The following ZFHX3 variants were observed in gnomAD, a reference collection of about 807,000 sequenced individuals.
ZFHX3 encodes the protein zinc finger homeobox protein 3.
A neutral mutation model predicts 279.1 loss-of-function variants in ZFHX3; 42 were observed. That is an observed-to-expected ratio of 0.15 (90% CI 0.12 to 0.19). The LOEUF is 0.19. Among genes scored for constraint, ZFHX3 ranks in the 10% least tolerant of loss-of-function variants. The pLI, the probability that ZFHX3 is intolerant of heterozygous loss-of-function variation, is 1.00. For synonymous variants in ZFHX3, 2,293 were observed against 1,957.8 expected (o/e 1.17, Z -4.52); for missense variants, 4,981 against 4,754.0 (o/e 1.05, Z -1.40).
intron 2 of ZFHX3, among the ~76,000 whole-genome samples, chr16:73,668,761 C>G (rs2052871785): frequency 6.6e-6 from 1 of 151,340 alleles, no homozygotes; most frequent in Middle Eastern, 3.4e-3. Flanking sequence ...AGGATATGAA[C>G]AGACACTTCT....
At chr16:73,213,785 C>G (rs1193306558) in intron 5 of ZFHX3, among the ~76,000 whole-genome samples, 3 of 152,080 alleles carry the variant, frequency 2.0e-5, no homozygotes, top group Non-Finnish European at 1.5e-5. Flanking sequence ...CTTTATGGGC[C>G]CGGGTCCCAT....
chr16:73,493,699 A>C (rs1396162792), intron 2 of ZFHX3, among the ~76,000 whole-genome samples: 1 of 151,888 alleles, frequency 6.6e-6, no homozygotes, highest in African/African-American at 2.4e-5. Flanking sequence ...CCCTGGATCT[A>C]CTCAGGTAAT....
At chr16:73,000,125 A>C (rs368642660) in intron 1 of ZFHX3, among the ~76,000 whole-genome samples, 1 of 152,238 alleles carries the variant, frequency 6.6e-6, no homozygotes, top group African/African-American at 2.4e-5. Flanking sequence ...TGGAGGGCCC[A>C]CCCGAGTAAG....
chr16:73,412,763 G>T (rs1016934510), intron 3 of ZFHX3, among the ~76,000 whole-genome samples: 1 of 152,180 alleles, frequency 6.6e-6, no homozygotes, highest in Non-Finnish European at 1.5e-5. Flanking sequence ...CCCAGGTTCC[G>T]AACAACAGAC....
chr16:73,122,650 C>T (rs1341235552), intron 7 of ZFHX3, among the ~76,000 whole-genome samples: 10 of 152,174 alleles, frequency 6.6e-5, no homozygotes, highest in Non-Finnish European at 1.0e-4. Flanking sequence ...ACTGTCCAGC[C>T]CTTCCTAGCA....
At chr16:73,153,144 G>C (rs1242758908) in intron 5 of ZFHX3, among the ~76,000 whole-genome samples, 5 of 152,060 alleles carry the variant, frequency 3.3e-5, no homozygotes, top group Non-Finnish European at 7.4e-5. Flanking sequence ...CAAACCACTT[G>C]CCAAACCAGT....
chr16:73,837,536 T>G (rs1386944428), intron 1 of ZFHX3, among the ~76,000 whole-genome samples: 1 of 152,256 alleles, frequency 6.6e-6, no homozygotes, highest in East Asian at 1.9e-4. Flanking sequence ...TGCATGCCCA[T>G]GCTCCAGAAT....
chr16:73,717,277 G>A (rs2053425342), intron 1 of ZFHX3, among the ~76,000 whole-genome samples: 2 of 152,188 alleles, frequency 1.3e-5, no homozygotes, highest in African/African-American at 4.8e-5. Flanking sequence ...TTACTTGTAT[G>A]TGTGCATCAC....
intron 3 of ZFHX3, among the ~76,000 whole-genome samples, chr16:73,433,760 T>A (rs889653307): frequency 2.0e-5 from 3 of 151,818 alleles, no homozygotes; most frequent in Admixed American, 6.6e-5. Flanking sequence ...GCCTGGGGAG[T>A]GAGCCTGCAG....
intron 4 of ZFHX3, among the ~76,000 whole-genome samples, chr16:73,269,963 G>T (rs1202574487): frequency 6.6e-6 from 1 of 152,010 alleles, no homozygotes; most frequent in African/African-American, 2.4e-5. Context: ...GGCCAGGGTG[G>T]TCTCGAACTC....
chr16:73,040,165 T>C (rs374527356), intron 1 of ZFHX3, among the ~76,000 whole-genome samples: 12 of 152,158 alleles, frequency 7.9e-5, no homozygotes, highest in Middle Eastern at 3.4e-3. Flanking sequence ...GCATGCCCAG[T>C]TCACCATGCC....
chr16:73,618,753 C>A (rs1422847635), intron 2 of ZFHX3, among the ~76,000 whole-genome samples: 2 of 152,198 alleles, frequency 1.3e-5, no homozygotes, highest in Non-Finnish European at 2.9e-5. Context: ...TGCACCTAAA[C>A]TAAGGATGAC....
At chr16:72,878,942 C>T (rs1010379024) in intron 4 of ZFHX3, among the ~76,000 whole-genome samples, 1 of 152,176 alleles carries the variant, frequency 6.6e-6, no homozygotes, top group Non-Finnish European at 1.5e-5. Flanking sequence ...CATGAGACAT[C>T]CAAGATTGCC....
intron 4 of ZFHX3, among the ~76,000 whole-genome samples, chr16:73,262,267 G>T (rs908998580): frequency 1.3e-5 from 2 of 152,214 alleles, no homozygotes; most frequent in Non-Finnish European, 2.9e-5. Flanking sequence ...CCTTTTAAAA[G>T]CACAGGAATA....
intron 1 of ZFHX3, among the ~76,000 whole-genome samples, chr16:73,766,325 G>C (rs2053942383): frequency 6.6e-6 from 1 of 152,134 alleles, no homozygotes; most frequent in African/African-American, 2.4e-5. Flanking sequence ...AAAATCTCTT[G>C]TTTCTTCTGC....
chr16:73,345,923 G>A (rs16971745), intron 3 of ZFHX3, among the ~76,000 whole-genome samples: 5,898 of 152,158 alleles, frequency 0.039, 213 homozygotes, highest in South Asian at 0.098. Context: ...CCAGAATTTA[G>A]AACATGTTGG....
intron 1 of ZFHX3, among the ~76,000 whole-genome samples, chr16:73,739,436 C>T (rs909757612): frequency 6.6e-6 from 1 of 152,156 alleles, no homozygotes; most frequent in African/African-American, 2.4e-5. Flanking sequence ...CCAACAGCAA[C>T]CCCCACCCCA....
intron 5 of ZFHX3, among the ~76,000 whole-genome samples, chr16:72,822,389 G>T (rs575433861): frequency 6.6e-6 from 1 of 152,286 alleles, no homozygotes; most frequent in Admixed American, 6.5e-5. Flanking sequence ...GGCAAATTGG[G>T]ATTTGACTGC....
At chr16:73,452,023 G>C (rs971959527) in intron 3 of ZFHX3, among the ~76,000 whole-genome samples, 2 of 152,294 alleles carry the variant, frequency 1.3e-5, no homozygotes, top group Non-Finnish European at 2.9e-5. Context: ...TAAGTAGATT[G>C]AGCTCAGCAG....
Sources: gnomAD v4.1 joint callset for allele counts (sites outside exome capture counted in the v4.1 genomes callset) on GRCh38, gnomAD v4.1.1 for gene constraint, MANE v1.5 for transcripts, NCBI Gene and HGNC (gene_info 2026-07-23, HGNC 2026-07-21) for gene names.